The following ROBO1 variants were observed in gnomAD, a reference collection of about 807,000 sequenced individuals.
ROBO1 encodes the protein roundabout homolog 1.
A neutral mutation model predicts 195.9 loss-of-function variants in ROBO1; 149 were observed. That is an observed-to-expected ratio of 0.76 (90% confidence interval 0.67 to 0.87). ROBO1 has a LOEUF of 0.87. Among genes scored for constraint, ROBO1 ranks in the 40% least tolerant of loss-of-function variants. The pLI is 0.00. For synonymous variants in ROBO1, 816 were observed against 733.2 expected (o/e 1.11, Z -1.82); for missense variants, 1,933 against 2,068.3 (o/e 0.93, Z 1.27).
At position 78,710,502 on chromosome 3, in the gene ROBO1, AAAGCTATC is replaced by A. The variant is rs2081657338; in HGVS notation, c.1045+3887_1045+3894del. ...CTAATAATTATTGAAATTAAGCAAT[AAAGCTATC>A]AATAATAACACTCATAAGTCTAATG... On this transcript the variant is annotated intron_variant, in intron 8 of 30. Transcript: ENST00000464233. Among the ~76,000 whole-genome samples, 3 of 152,340 alleles carry A rather than the reference AAAGCTATC, an allele frequency of 2.0e-5. No individual in the cohort carries two copies. In the East Asian group the frequency reaches 5.8e-4, roughly 29 times the overall value.
At chr3:78,890,201 G>T (rs6788270) in intron 4 of ROBO1, among the ~76,000 whole-genome samples, 6,311 of 152,124 alleles carry the variant, frequency 0.041, 377 homozygotes, top group African/African-American at 0.13. Flanking sequence ...GGCCAGACTA[G>T]GTATTCAATA....
intron 8 of ROBO1, chr3:78,693,489 T>C: frequency 1.5e-6 from 1 of 676,528 alleles, no homozygotes; most frequent in Non-Finnish European, 2.6e-6. Context: ...TACTTGAATA[T>C]ATGGCTCACA....
intron 2 of ROBO1, among the ~76,000 whole-genome samples, chr3:79,378,273 G>A (rs558719662): frequency 6.6e-6 from 1 of 151,706 alleles, no homozygotes. Context: ...TAGCCATTCA[G>A]AACTAACTAG....
At chr3:79,462,912 C>G (rs1937728999) in intron 2 of ROBO1, among the ~76,000 whole-genome samples, 1 of 152,188 alleles carries the variant, frequency 6.6e-6, no homozygotes, top group African/African-American at 2.4e-5. Flanking sequence ...TACGTAGATA[C>G]ACTATTGCTA....
At chr3:78,982,439 C>T (rs890228850) in intron 3 of ROBO1, among the ~76,000 whole-genome samples, 1 of 152,136 alleles carries the variant, frequency 6.6e-6, no homozygotes, top group South Asian at 2.1e-4. Context: ...AAATAATGAG[C>T]ATTTTTGCAT....
chr3:79,249,980 A>C (rs1195757618), intron 2 of ROBO1, among the ~76,000 whole-genome samples: 1 of 152,194 alleles, frequency 6.6e-6, no homozygotes, highest in African/African-American at 2.4e-5. Context: ...TAATAAGTGA[A>C]GACCAGAGAA....
chr3:79,052,287 C>T lies in ROBO1; in HGVS notation c.172+73169G>A, dbSNP rs373850409. On this transcript the variant is annotated intron_variant, in intron 3 of 30. Coordinates refer to ENST00000464233, the MANE Select transcript of ROBO1 (RefSeq NM_002941.4). ...AAATACGCCCTCGTCTCCTGCAGCA[C>T]CCCCAGGCTTGCTAGGATTGGGAAA... 4.6e-5 allele frequency among the ~76,000 whole-genome samples: 7 copies of T among 152,136 alleles called. No homozygotes were observed. In the East Asian group the frequency reaches 5.8e-4, roughly 13 times the overall value.
intron 2 of ROBO1, among the ~76,000 whole-genome samples, chr3:79,287,644 A>G (rs2031970201): frequency 6.6e-6 from 1 of 152,108 alleles, no homozygotes; most frequent in African/African-American, 2.4e-5. Context: ...ATTAACGTAT[A>G]TTATTCCAAA....
chr3:79,019,800 C>A (rs1355731539), intron 3 of ROBO1, among the ~76,000 whole-genome samples: 1 of 152,084 alleles, frequency 6.6e-6, no homozygotes, highest in Non-Finnish European at 1.5e-5. Context: ...CTCTTCCTTG[C>A]CGCTTCCAGG....
At position 78,917,225 on chromosome 3, in the gene ROBO1, T is replaced by C. The variant is rs539556474; in HGVS notation, c.499+21376A>G. ...GATTCTCCTGCCTCAGCCTCCTAAG[T>C]AGCCAAGATTATAGGTGCCCGCCAC... On this transcript the variant is annotated intron_variant, in intron 4 of 30. Transcript: ENST00000464233. Among the ~76,000 whole-genome samples, 7 of 151,140 alleles carry C rather than the reference T, an allele frequency of 4.6e-5. No homozygotes were observed. The East Asian group carries it at 1.4e-3, about 30-fold the overall frequency.
At position 79,431,002 on chromosome 3, in the gene ROBO1, G is replaced by A. The variant is rs533884537; in HGVS notation, c.88+158822C>T. ...ATGTTTACATGAAAGTTCTGGATAT[G>A]AATAGGTTCTGCCAGGTAGGTGTAA... On this transcript the variant is annotated intron_variant, in intron 2 of 30. Coordinates refer to ENST00000464233, the MANE Select transcript of ROBO1 (RefSeq NM_002941.4). Among the ~76,000 whole-genome samples the A allele has an allele frequency of 3.1e-3, 472 of 152,204 alleles. 1 individual carries two copies. The highest frequency in any genetic ancestry group is 5.4e-3 in the South Asian group (26 of 4,822).
intron 2 of ROBO1, among the ~76,000 whole-genome samples, chr3:79,449,910 T>C (rs902464317): frequency 9.2e-5 from 14 of 152,106 alleles, no homozygotes; most frequent in African/African-American, 3.1e-4. Flanking sequence ...ATCATCCTTA[T>C]TGTACATATG....
At chr3:79,163,573 T>C (rs1177318572) in intron 2 of ROBO1, among the ~76,000 whole-genome samples, 1 of 152,122 alleles carries the variant, frequency 6.6e-6, no homozygotes, top group East Asian at 1.9e-4. Flanking sequence ...CATATGGTAA[T>C]TCTATTTTTA....
chr3:79,673,342 G>A (rs1946685552), intron 1 of ROBO1, among the ~76,000 whole-genome samples: 1 of 151,888 alleles, frequency 6.6e-6, no homozygotes, highest in Non-Finnish European at 1.5e-5. Context: ...GTGTGTGAGG[G>A]TGTGTATAAT....
At chr3:79,272,688 G>C (rs1171328752) in intron 2 of ROBO1, among the ~76,000 whole-genome samples, 1 of 152,088 alleles carries the variant, frequency 6.6e-6, no homozygotes, top group Non-Finnish European at 1.5e-5. Context: ...ACACCAGGCA[G>C]AATTCAGCTG....
At chr3:78,990,028 T>C (rs188031070) in intron 3 of ROBO1, among the ~76,000 whole-genome samples, 1 of 152,226 alleles carries the variant, frequency 6.6e-6, no homozygotes, top group East Asian at 1.9e-4. Context: ...CTTAGTGGTG[T>C]TTAATAATAG....
At chr3:78,868,306 A>G (rs1276776297) in intron 4 of ROBO1, among the ~76,000 whole-genome samples, 1 of 152,112 alleles carries the variant, frequency 6.6e-6, no homozygotes, top group African/African-American at 2.4e-5. Flanking sequence ...TTTAAATACT[A>G]TGAATGATGT....
chr3:79,151,324 C>T (rs1212678425), intron 2 of ROBO1, among the ~76,000 whole-genome samples: 2 of 151,804 alleles, frequency 1.3e-5, no homozygotes, highest in East Asian at 3.9e-4. Flanking sequence ...ATCTTGCAAA[C>T]CAAAAATTTA....
chr3:79,575,298 AATAT>A (rs1173256231), intron 2 of ROBO1, among the ~76,000 whole-genome samples: 2 of 124,036 alleles, frequency 1.6e-5, no homozygotes, highest in East Asian at 2.2e-4. Context: ...ATATATAACA[AATAT>A]ATATAAATAT....
Sources: allele counts gnomAD v4.1 joint callset (sites outside exome capture counted in the v4.1 genomes callset), GRCh38; gene constraint gnomAD v4.1.1; transcripts MANE v1.5; gene names NCBI Gene and HGNC (gene_info 2026-07-23, HGNC 2026-07-21).